The following PPP3CA variants were observed in gnomAD, a reference collection of about 807,000 sequenced individuals.
PPP3CA encodes the protein CAM-PRP catalytic subunit.
PPP3CA carries 14 observed loss-of-function variants against 66.5 expected under a neutral mutation model. The ratio of observed to expected loss-of-function variants is 0.21; its 90% CI spans 0.14 to 0.33. The LOEUF (loss-of-function observed/expected upper bound fraction) is 0.33, where lower values mean the gene tolerates loss of function less well. PPP3CA is among the 10% of genes least tolerant of loss of function. The probability of loss-of-function intolerance (pLI) is 1.00; values close to 1 mark genes in which losing one functional copy is unlikely to be tolerated. For synonymous variants in PPP3CA, 232 were observed against 226.2 expected, an observed-to-expected ratio of 1.03 and a Z score of -0.23; for missense variants, 317 against 639.5, an observed-to-expected ratio of 0.50 and a Z score of 5.44.
At chr4:101,138,818 A>G (rs1464360991) in intron 2 of PPP3CA, among the ~76,000 whole-genome samples, 4 of 152,222 alleles carry the variant, frequency 2.6e-5, no homozygotes, top group Non-Finnish European at 5.9e-5. Context: ...TCACAGATGT[A>G]AACTTATGAC....
At chr4:101,043,934 T>C (rs952582335) in intron 10 of PPP3CA, among the ~76,000 whole-genome samples, 3 of 152,188 alleles carry the variant, frequency 2.0e-5, no homozygotes, top group Admixed American at 1.3e-4. Context: ...CTTATAAAAC[T>C]GAAATATATT....
At position 101,276,022 on chromosome 4, in the gene PPP3CA, G is replaced by A. The variant is rs545901132; in HGVS notation, c.58+70717C>T. On this transcript the variant is annotated intron_variant, in intron 1 of 13. Transcript: ENST00000394854. ...AAATTCTCCTGCCTCAGCCTCCTGC[G>A]TAGCTGGGATTAAAGGTGCACCATC... Among the ~76,000 whole-genome samples, 6 of 151,934 alleles carry A rather than the reference G, an allele frequency of 3.9e-5. No individual in the cohort carries two copies. The East Asian group carries it at 5.8e-4, about 15-fold the overall frequency.
chr4:101,163,945 T>C (rs1032544639), intron 2 of PPP3CA, among the ~76,000 whole-genome samples: 26 of 151,858 alleles, frequency 1.7e-4, no homozygotes, highest in African/African-American at 5.8e-4. Context: ...GAAGTTGGTA[T>C]AAGACACAGT....
At chr4:101,296,125 T>G (rs984323951) in intron 1 of PPP3CA, among the ~76,000 whole-genome samples, 1 of 152,154 alleles carries the variant, frequency 6.6e-6, no homozygotes, top group African/African-American at 2.4e-5. Context: ...ATTTTAAACA[T>G]GTTCCTAAAT....
intron 4 of PPP3CA, 30 bp downstream of exon 4, chr4:101,099,581 G>A (rs1228236352): frequency 1.5e-6 from 2 of 1,350,544 alleles, no homozygotes; most frequent in Non-Finnish European, 2.1e-6. Context: ...CACATATAGT[G>A]TTAAAGGAAG....
At chr4:101,082,465 A>C (rs1366676565) in intron 7 of PPP3CA, among the ~76,000 whole-genome samples, 1 of 152,202 alleles carries the variant, frequency 6.6e-6, no homozygotes, top group African/African-American at 2.4e-5. Flanking sequence ...AAGGGAAGCA[A>C]TGCCTTTCAG....
In PPP3CA at chr4:101,274,689, T is replaced by C. The variant is rs186268315; in HGVS notation, c.58+72050A>G. Among the ~76,000 whole-genome samples, 8 of 152,302 alleles carry C rather than the reference T, an allele frequency of 5.3e-5. No individual in the cohort carries two copies. In the East Asian group the frequency reaches 1.3e-3, roughly 26 times the overall value. On this transcript the variant is annotated intron_variant, in intron 1 of 13. Coordinates refer to ENST00000394854, the MANE Select transcript of PPP3CA (RefSeq NM_000944.5). ...GGATTACATATTTTTTTCATTTCTA[T>C]AGGGAAAAAATACATGTTGTCCAAT...
intron 2 of PPP3CA, among the ~76,000 whole-genome samples, chr4:101,124,710 AAAGAAAGAAAGAAAG>A (rs1722156472): frequency 4.0e-5 from 4 of 99,192 alleles, no homozygotes; most frequent in African/African-American, 1.6e-4. Flanking sequence ...AGAAAGAAAG[AAAGAAAGAAAGAAAG>A]AGAAAGAAAG....
intron 1 of PPP3CA, among the ~76,000 whole-genome samples, chr4:101,334,237 C>T (rs567219479): frequency 3.3e-5 from 5 of 152,040 alleles, no homozygotes; most frequent in East Asian, 1.9e-4. Flanking sequence ...CAGGTTCAAG[C>T]GATTCTCTTG....
At chr4:101,231,639 T>C (rs749689883) in intron 1 of PPP3CA, among the ~76,000 whole-genome samples, 12 of 151,818 alleles carry the variant, frequency 7.9e-5, no homozygotes, top group Middle Eastern at 3.4e-3. Context: ...AGAAATTGTA[T>C]CCTTTACAAA....
At chr4:101,324,822 G>A (rs538262724) in intron 1 of PPP3CA, among the ~76,000 whole-genome samples, 5 of 152,258 alleles carry the variant, frequency 3.3e-5, no homozygotes, top group African/African-American at 7.2e-5. Flanking sequence ...GCCAATTACC[G>A]ACACAAGACT....
intron 1 of PPP3CA, among the ~76,000 whole-genome samples, chr4:101,315,853 C>T (rs778165159): frequency 5.3e-5 from 8 of 152,124 alleles, no homozygotes; most frequent in Non-Finnish European, 1.2e-4. Flanking sequence ...CCTTCCTCAC[C>T]CCCTTTTCTG....
At chr4:101,336,500 G>A (rs1729638336) in intron 1 of PPP3CA, among the ~76,000 whole-genome samples, 1 of 150,914 alleles carries the variant, frequency 6.6e-6, no homozygotes, top group Admixed American at 6.6e-5. Context: ...TGAACTTCAG[G>A]AGCCGGAGGT....
chr4:101,165,269 G>A (rs762614004), intron 2 of PPP3CA, among the ~76,000 whole-genome samples: 9 of 152,236 alleles, frequency 5.9e-5, no homozygotes, highest in East Asian at 3.9e-4. Context: ...ATAATCAAAC[G>A]AAGACAGACA....
chr4:101,106,373 A>AAAAGAAAAGAAAGAAAGAAAGAAAGAAAG (rs1730677355), intron 3 of PPP3CA, among the ~76,000 whole-genome samples: 1 of 14,080 alleles, frequency 7.1e-5, no homozygotes, highest in Non-Finnish European at 1.6e-4. Flanking sequence ...TAAAAGAGAG[A>AAAAGAAAAGAAAGAAAGAAAGAAAGAAAG]AAAGAAAGAA....
intron 1 of PPP3CA, among the ~76,000 whole-genome samples, chr4:101,329,085 A>G (rs1213356666): frequency 2.0e-5 from 3 of 152,200 alleles, no homozygotes; most frequent in Non-Finnish European, 2.9e-5. Flanking sequence ...AAGGCATATC[A>G]AAAGTGGAGA....
At chr4:101,183,987 C>T (rs137885675) in intron 2 of PPP3CA, among the ~76,000 whole-genome samples, 203 of 152,234 alleles carry the variant, frequency 1.3e-3, no homozygotes, top group Admixed American at 2.9e-3. Context: ...TGCATACATT[C>T]TACAGGCCCA....
At chr4:101,269,055 T>C (rs1055350833) in intron 1 of PPP3CA, among the ~76,000 whole-genome samples, 1 of 152,184 alleles carries the variant, frequency 6.6e-6, no homozygotes, top group African/African-American at 2.4e-5. Flanking sequence ...TTTTCATTTT[T>C]ATTGTTATCT....
rs569585937 is a variant in PPP3CA at position 101,297,582 on chromosome 4, A to G, written c.58+49157T>C. ...GCGATGTCAGGAAGAGGAACCCACT[A>G]GATGACCATCCTTGGGAAAGAGTCA... On this transcript the variant is annotated intron_variant, in intron 1 of 13. Coordinates refer to ENST00000394854, the MANE Select transcript of PPP3CA (RefSeq NM_000944.5). 3.9e-5 allele frequency among the ~76,000 whole-genome samples: 6 copies of G among 152,294 alleles called. No homozygotes were observed. In the East Asian group the frequency reaches 5.8e-4, roughly 15 times the overall value.
Sources: gnomAD v4.1 joint callset for allele counts (sites outside exome capture counted in the v4.1 genomes callset) on GRCh38, gnomAD v4.1.1 for gene constraint, MANE v1.5 for transcripts, NCBI Gene and HGNC (gene_info 2026-07-23, HGNC 2026-07-21) for gene names.